THSD7A: variants seen among roughly 807,000 people sequenced by gnomAD.
THSD7A encodes the protein thrombospondin type 1 domain containing 7A, also known as thrombospondin type-1 domain-containing protein 7A.
THSD7A carries 96 observed loss-of-function variants against 231.3 expected under a neutral mutation model. That is an observed-to-expected ratio of 0.41 (90% CI 0.35 to 0.49). The LOEUF is 0.49. THSD7A is among the 20% of genes least tolerant of loss of function. THSD7A has a pLI of 0.05. For missense variants in THSD7A, 2,290 were observed against 2,070.2 expected, an observed-to-expected ratio of 1.11 and a Z score of -2.06; for synonymous variants, 940 against 743.3, an observed-to-expected ratio of 1.26 and a Z score of -4.30.
Position 11,831,798 on chromosome 7 carries a change from T to C in THSD7A, c.149A>G (p.Gln50Arg). 3.4e-6 allele frequency: 5 copies of C among 1,470,604 alleles called. No homozygotes were observed. The highest frequency in any genetic ancestry group is 4.5e-6 in the Non-Finnish European group (5 of 1,107,704). 91.1% of individuals were successfully genotyped at this position (1,470,604 alleles called of 1,614,324 possible). A position where few individuals can be genotyped will look rare whatever the true frequency, so the allele number is the denominator to read the frequency against. ...LRPGAGRAAA[Q>R]GEAEAPTLYL... ...GAGGGTGGGCGCCTCCGCCTCGCCC[T>C]GCGCCGCAGCCCTGCCGGCGCCCGG... The change falls in exon 1 of 28, where the codon CAG becomes CGG. Residue 50 changes from glutamine (Q) to arginine (R), a missense_variant. Coordinates refer to ENST00000423059, the MANE Select transcript of THSD7A (RefSeq NM_015204.3). This position sits in a 1 kb window ranked among gnomAD's most constrained non-coding sequence, Gnocchi z 5.0.
intron 6 of THSD7A, among the ~76,000 whole-genome samples, chr7:11,511,488 C>T (rs1193637012): frequency 2.6e-5 from 4 of 152,106 alleles, no homozygotes; most frequent in Non-Finnish European, 5.9e-5. Context: ...CAATCATAAG[C>T]CAAAAGAACA....
intron 1 of THSD7A, among the ~76,000 whole-genome samples, chr7:11,786,952 G>A (rs1457701400): frequency 6.6e-6 from 1 of 150,798 alleles, no homozygotes; most frequent in East Asian, 1.9e-4. Flanking sequence ...AGGCATTTTA[G>A]TGACATGAGT....
Position 11,462,051 on chromosome 7 carries a change from C to G in THSD7A, c.2461G>C (p.Glu821Gln), listed in dbSNP as rs369759388. ...GCTTGAGGTGCCTCACAGGCCTTCTCTTCATAGAGGGGATCTGTGCAGTCT... is the reference window on the plus strand; with the variant it reads ...GCTTGAGGTGCCTCACAGGCCTTCTGTTCATAGAGGGGATCTGTGCAGTCT... ...GRDCTDPLYE[E>Q]KACEAPQACQ... is the part of the protein sequence containing the mutation. The change falls in exon 10 of 28, where the codon GAG becomes CAG. Residue 821 changes from glutamate to glutamine, a missense_variant. By Grantham distance (29) the Glu-to-Gln change is conservative. Transcript: ENST00000423059. 1 of 1,613,688 alleles carries G rather than the reference C, an allele frequency of 6.2e-7. No individual in the cohort carries two copies. Among genetic ancestry groups the G allele is most frequent in the Non-Finnish European group, 8.5e-7 (1 of 1,179,748 alleles).
At position 11,629,741 on chromosome 7, in the gene THSD7A, T is replaced by A. The variant is rs557321008; in HGVS notation, c.1022+6389A>T. Among the ~76,000 whole-genome samples the A allele has an allele frequency of 5.9e-5, 9 of 152,344 alleles. No homozygotes were observed. In the East Asian group the frequency reaches 1.7e-3, roughly 29 times the overall value. ...GGCACTGCATAGAAATTCACCCTGA[T>A]GTTTCAGTATGAACTGATCTGTAGG... is the stretch of plus-strand genomic sequence containing the variant. On this transcript the variant is annotated intron_variant, in intron 2 of 27. Coordinates refer to ENST00000423059, the MANE Select transcript of THSD7A (RefSeq NM_015204.3).
chr7:11,708,390 G>A (rs1015589814), intron 1 of THSD7A, among the ~76,000 whole-genome samples: 20 of 150,722 alleles, frequency 1.3e-4, no homozygotes, highest in African/African-American at 4.4e-4. Flanking sequence ...AACCATCAAT[G>A]AGTAGAAAGC....
At chr7:11,613,803 T>C (rs1433131639) in intron 2 of THSD7A, among the ~76,000 whole-genome samples, 3 of 152,200 alleles carry the variant, frequency 2.0e-5, no homozygotes, top group Non-Finnish European at 2.9e-5. Context: ...GGTAGTAGTT[T>C]GATCTCCCCT....
At chr7:11,508,552 T>G (rs1401012282) in intron 6 of THSD7A, among the ~76,000 whole-genome samples, 4 of 152,186 alleles carry the variant, frequency 2.6e-5, no homozygotes, top group Non-Finnish European at 5.9e-5. Context: ...ACCAGAAAAT[T>G]AAAAATACAA....
chr7:11,406,799 C>T lies in THSD7A; in HGVS notation c.4062+111G>A. ...TACATACAAATTTTAAGAAGCTTGT[C>T]ATCTGTGAGCTCTGAAACATATTTC... On this transcript the variant is annotated intron_variant, in intron 21 of 27. Transcript: ENST00000423059. This position sits in a 1 kb window ranked among gnomAD's most constrained non-coding sequence, Gnocchi z 4.7. The T allele has an allele frequency of 1.5e-6, 2 of 1,310,398 alleles. No individual in the cohort carries two copies. Among genetic ancestry groups the T allele is most frequent in the Non-Finnish European group, 2.0e-6 (2 of 977,070 alleles). The allele number at this position is 1,310,398 out of a possible 1,614,324, so 81.2% of individuals were successfully genotyped here.
intron 7 of THSD7A, among the ~76,000 whole-genome samples, chr7:11,475,072 G>A (rs948464727): frequency 2.6e-5 from 4 of 152,070 alleles, no homozygotes; most frequent in African/African-American, 9.7e-5. Flanking sequence ...TGTGACCTTG[G>A]CAATTAACAA....
At chr7:11,748,921 T>G (rs1288411543) in intron 1 of THSD7A, among the ~76,000 whole-genome samples, 1 of 151,932 alleles carries the variant, frequency 6.6e-6, no homozygotes, top group Non-Finnish European at 1.5e-5. Flanking sequence ...TTTTTTGCAG[T>G]TTATAGCTGC....
At chr7:11,508,797 G>GGATT (rs1412929682) in intron 6 of THSD7A, among the ~76,000 whole-genome samples, 3 of 152,168 alleles carry the variant, frequency 2.0e-5, no homozygotes, top group African/African-American at 7.2e-5. Flanking sequence ...GCAATAACAT[G>GGATT]GATTAATCTT....
rs1159616448 is a variant in THSD7A, at chr7:11,523,713, C to G, written c.1822+17706G>C. ...CAGAAGAATTCACAGGAATAATTGACAGGAAGATTAAAAAAACCAGAATAT... is the reference window on the plus strand; with the variant it reads ...CAGAAGAATTCACAGGAATAATTGAGAGGAAGATTAAAAAAACCAGAATAT... On this transcript the variant is annotated intron_variant, in intron 6 of 27. Coordinates refer to ENST00000423059, the MANE Select transcript of THSD7A (RefSeq NM_015204.3). Among the ~76,000 whole-genome samples, 5 of 151,964 alleles carry G rather than the reference C, an allele frequency of 3.3e-5. No individual in the cohort carries two copies. In the South Asian group the frequency reaches 1.0e-3, roughly 31 times the overall value.
chr7:11,695,564 A>G (rs1171754788), intron 1 of THSD7A, among the ~76,000 whole-genome samples: 9 of 151,528 alleles, frequency 5.9e-5, no homozygotes, highest in Admixed American at 5.9e-4. Flanking sequence ...GAATGGCCTG[A>G]CCAATGAAGT....
rs187361055 is a variant in THSD7A, at chr7:11,415,669, C to G, written c.3537+1781G>C. On this transcript the variant is annotated intron_variant, in intron 17 of 27. Coordinates refer to ENST00000423059, the MANE Select transcript of THSD7A (RefSeq NM_015204.3). ...GTCTCACAGGAATATAACTATTTGC[C>G]TTAATGCCTGTCTCTCTTCCTAAGT... Among the ~76,000 whole-genome samples, 6 of 152,270 alleles carry G rather than the reference C, an allele frequency of 3.9e-5. No homozygotes were observed. In the East Asian group the frequency reaches 1.2e-3, roughly 29 times the overall value.
chr7:11,777,937 C>A (rs1783474699), intron 1 of THSD7A, among the ~76,000 whole-genome samples: 1 of 149,570 alleles, frequency 6.7e-6, no homozygotes, highest in Non-Finnish European at 1.5e-5. Context: ...ATCACGAGGT[C>A]AAGAGATCGA....
chr7:11,684,698 G>A (rs952543729), intron 1 of THSD7A, among the ~76,000 whole-genome samples: 3 of 151,708 alleles, frequency 2.0e-5, no homozygotes, highest in Non-Finnish European at 4.4e-5. Context: ...TCTACAAGGG[G>A]GACTACCAAA....
chr7:11,482,054 G>A (rs1236618347), intron 6 of THSD7A, 72 bp from the exon 7 acceptor site: 5 of 1,426,072 alleles, frequency 3.5e-6, no homozygotes, highest in East Asian at 2.4e-5. Flanking sequence ...AACCAGATGG[G>A]CACCCAGATA....
chr7:11,500,973 A>C (rs760423603), intron 6 of THSD7A, among the ~76,000 whole-genome samples: 13 of 151,822 alleles, frequency 8.6e-5, no homozygotes, highest in Admixed American at 2.0e-4. Flanking sequence ...AAGGAGTTGC[A>C]ATCCTAATTT....
intron 1 of THSD7A, among the ~76,000 whole-genome samples, chr7:11,760,594 A>G (rs1357150584): frequency 2.0e-5 from 3 of 152,070 alleles, no homozygotes; most frequent in African/African-American, 4.8e-5. Context: ...CAGGATGCCA[A>G]TTACAGCAAT....
Sources: gnomAD v4.1 joint callset for allele counts (sites outside exome capture counted in the v4.1 genomes callset) on GRCh38, gnomAD v4.1.1 for gene constraint, Gnocchi (gnomAD v3.1) non-coding constraint, MANE v1.5 for transcripts, NCBI Gene and HGNC (gene_info 2026-07-23, HGNC 2026-07-21) for gene names.